MYO1E: variants seen among roughly 807,000 people sequenced by gnomAD.
MYO1E encodes myosin IE.
Under a neutral mutation model 151.1 loss-of-function variants are expected in MYO1E, and 68 were observed. That is an observed-to-expected ratio of 0.45 (90% CI 0.37 to 0.55). The LOEUF is 0.55. MYO1E is among the 20% of genes least tolerant of loss of function. MYO1E has a pLI of 0.00. For missense variants in MYO1E, 1,363 were observed against 1,389.3 expected (o/e 0.98, Z 0.30); for synonymous variants, 601 against 501.7 (o/e 1.20, Z -2.64).
chr15:59,353,374 G>GAAAAA (rs1228690309), intron 1 of MYO1E, among the ~76,000 whole-genome samples: 1 of 26,658 alleles, frequency 3.8e-5, no homozygotes, highest in Non-Finnish European at 1.4e-4. Context: ...AAAAAAAAAA[G>GAAAAA]AAAAGAAAAG....
chr15:59,215,645 C>A (rs1013373987), intron 10 of MYO1E, among the ~76,000 whole-genome samples: 4 of 152,112 alleles, frequency 2.6e-5, no homozygotes, highest in Non-Finnish European at 5.9e-5. Flanking sequence ...GTTTTCCAGG[C>A]AAACAAAATG....
intron 1 of MYO1E, among the ~76,000 whole-genome samples, chr15:59,357,710 A>C (rs1455246151): frequency 6.6e-6 from 1 of 152,118 alleles, no homozygotes; most frequent in Admixed American, 6.5e-5. Flanking sequence ...TTGGCCTCCC[A>C]AAGTGCTGGG....
chr15:59,313,522 A>G (rs577912608), intron 1 of MYO1E, among the ~76,000 whole-genome samples: 14 of 81,514 alleles, frequency 1.7e-4, no homozygotes, highest in African/African-American at 6.9e-4. Flanking sequence ...CCAACACTCC[A>G]TCATCTTTCA....
At chr15:59,241,382 A>T (rs2080098845) in intron 4 of MYO1E, among the ~76,000 whole-genome samples, 1 of 152,220 alleles carries the variant, frequency 6.6e-6, no homozygotes, top group Non-Finnish European at 1.5e-5. Context: ...CAACTATAAT[A>T]ATAAAACAAA....
At chr15:59,178,938 T>TA (rs1372921745) in intron 18 of MYO1E, among the ~76,000 whole-genome samples, 1 of 152,232 alleles carries the variant, frequency 6.6e-6, no homozygotes, top group East Asian at 1.9e-4. Context: ...CAAAGAGTTT[T>TA]ATAAAGCTCC....
At chr15:59,187,406 C>T (rs2079705010) in intron 18 of MYO1E, among the ~76,000 whole-genome samples, 2 of 152,196 alleles carry the variant, frequency 1.3e-5, no homozygotes, top group Admixed American at 1.3e-4. Flanking sequence ...ACTCCACACT[C>T]ACTAGGATGG....
In MYO1E at chr15:59,134,590, C is replaced by CTG. The variant is rs2140296236; in HGVS notation, c.*2789_*2790insCA. 6.6e-6 allele frequency: 1 copy of CTG among 152,344 alleles called. No individual in the cohort carries two copies. Among genetic ancestry groups the CTG allele is most frequent in the Non-Finnish European group, 1.5e-5 (1 of 68,046 alleles). The allele number at this position is 152,344 out of a possible 1,614,324, so 9.4% of individuals were successfully genotyped here. ...TCTTCTACAACTAAAGCTTGAACAC[C>CTG]TCTACCCTAGGGTACACAGTCAGGC... On this transcript the variant is annotated 3_prime_UTR_variant, in exon 28 of 28. Coordinates refer to ENST00000288235, the MANE Select transcript of MYO1E (RefSeq NM_004998.4).
At chr15:59,256,253 C>G in intron 4 of MYO1E, 31 bp downstream of exon 4, 1 of 1,508,136 alleles carries the variant, frequency 6.6e-7, no homozygotes, top group Non-Finnish European at 9.2e-7. Flanking sequence ...CTCATATCTT[C>G]CACGCCCACT....
At position 59,137,125 on chromosome 15, in the gene MYO1E, A is replaced by T. The variant is rs1174738325; in HGVS notation, c.*255T>A. 1 of 529,978 alleles carries T rather than the reference A, an allele frequency of 1.9e-6. No homozygotes were observed. The highest frequency in any genetic ancestry group is 3.4e-6 in the Non-Finnish European group (1 of 292,414). The allele number at this position is 529,978 out of a possible 1,614,324, so 32.8% of individuals were successfully genotyped here. ...CCTCTCACCAGGTTTAAATACAATAAATAAATCTTAATGCATGGTGGTTTT... is the reference window on the plus strand; with the variant it reads ...CCTCTCACCAGGTTTAAATACAATATATAAATCTTAATGCATGGTGGTTTT... On this transcript the variant is annotated 3_prime_UTR_variant, in exon 28 of 28. Transcript: ENST00000288235.
intron 4 of MYO1E, among the ~76,000 whole-genome samples, chr15:59,237,649 T>G (rs1375333708): frequency 2.6e-5 from 4 of 152,244 alleles, no homozygotes; most frequent in African/African-American, 9.6e-5. Flanking sequence ...TTGTTCGCGC[T>G]TCGCGATAAA....
At chr15:59,216,666 G>GTGTGTGTGTGTGTGTGTGTGTGTGTA (rs777094542) in intron 10 of MYO1E, among the ~76,000 whole-genome samples, 5 of 30,884 alleles carry the variant, frequency 1.6e-4, no homozygotes, top group South Asian at 1.4e-3. Flanking sequence ...GTGTGTATGT[G>GTGTGTGTGTGTGTGTGTGTGTGTGTA]TATATATATA....
At chr15:59,224,578 A>T (rs1371982623) in intron 8 of MYO1E, 111 bp downstream of exon 8, 8 of 1,424,108 alleles carry the variant, frequency 5.6e-6, no homozygotes, top group Non-Finnish European at 5.9e-6. Flanking sequence ...ACAGAGAAAG[A>T]GGCGGACATT....
At chr15:59,228,312 T>C (rs61191194) in intron 6 of MYO1E, among the ~76,000 whole-genome samples, 6,870 of 151,978 alleles carry the variant, frequency 0.045, 472 homozygotes, top group African/African-American at 0.16. Context: ...TGAAACCCCA[T>C]CTCTGCTAAA....
In MYO1E at chr15:59,137,211, T is replaced by A; in HGVS notation, c.*169A>T. Reference sequence around the variant, plus strand: ...GGATCACTTATGGAGTGATACTCCCTGTCCCCAACCCAGCCTTTTCAGTGT... The same window carrying A: ...GGATCACTTATGGAGTGATACTCCCAGTCCCCAACCCAGCCTTTTCAGTGT... On this transcript the variant is annotated 3_prime_UTR_variant, in exon 28 of 28. Coordinates refer to ENST00000288235, the MANE Select transcript of MYO1E (RefSeq NM_004998.4). The A allele has an allele frequency of 1.5e-6, 1 of 674,252 alleles. No homozygotes were observed. Among genetic ancestry groups the A allele is most frequent in the Non-Finnish European group, 2.7e-6 (1 of 376,192 alleles). 41.8% of individuals were successfully genotyped at this position (674,252 alleles called of 1,614,324 possible). A position where few individuals can be genotyped will look rare whatever the true frequency, so the allele number is the denominator to read the frequency against.
Position 59,314,838 on chromosome 15 carries a change from G to C in MYO1E, c.4-42389C>G, listed in dbSNP as rs2080576354. The stretch of plus-strand genomic sequence containing the variant: ...TCAATGTTGTAAAACCCTGGCTTAG[G>C]TGACTGCTGGAGGTAGAGGGGCTGA... On this transcript the variant is annotated intron_variant, in intron 1 of 27. Coordinates refer to ENST00000288235, the MANE Select transcript of MYO1E (RefSeq NM_004998.4). 2.6e-5 allele frequency among the ~76,000 whole-genome samples: 4 copies of C among 152,234 alleles called. No homozygotes were observed. In the South Asian group the frequency reaches 8.3e-4, roughly 32 times the overall value.
At chr15:59,172,073 C>T (rs1273546455) in intron 21 of MYO1E, 31 bp from the exon 22 acceptor site, 21 of 1,610,834 alleles carry the variant, frequency 1.3e-5, no homozygotes, top group Non-Finnish European at 1.7e-5. Context: ...AGAAGCTGGA[C>T]AGGCCAGGCA....
chr15:59,214,394 T>A, intron 11 of MYO1E, 80 bp from the exon 12 acceptor site: 1 of 1,105,836 alleles, frequency 9.0e-7, no homozygotes, highest in Non-Finnish European at 1.4e-6. Context: ...TATTGAAATG[T>A]CTTCATGTGA....
chr15:59,297,313 C>G (rs1017517502), intron 1 of MYO1E, among the ~76,000 whole-genome samples: 1 of 151,358 alleles, frequency 6.6e-6, no homozygotes. Flanking sequence ...ACTCTGTCAC[C>G]CAGGCTGGAA....
chr15:59,355,780 A>C (rs1164406915), intron 1 of MYO1E, among the ~76,000 whole-genome samples: 1 of 151,916 alleles, frequency 6.6e-6, no homozygotes, highest in Non-Finnish European at 1.5e-5. Context: ...CAGTGGCATG[A>C]TCAGGGCTCA....
Sources: gnomAD v4.1 joint callset for allele counts (sites outside exome capture counted in the v4.1 genomes callset) on GRCh38, gnomAD v4.1.1 for gene constraint, MANE v1.5 for transcripts, NCBI Gene and HGNC (gene_info 2026-07-23, HGNC 2026-07-21) for gene names.